Variants in PPM1A observed in about 807,000 individuals in gnomAD.
PPM1A encodes protein phosphatase, Mg2+/Mn2+ dependent 1A, also known as protein phosphatase 1A.
A neutral mutation model predicts 35.0 loss-of-function variants in PPM1A; 7 were observed. The ratio of observed to expected loss-of-function variants is 0.20; its 90% CI spans 0.11 to 0.38. PPM1A has a LOEUF of 0.38. Ranked by LOEUF, PPM1A falls within the 10% of genes least tolerant of loss-of-function variation. The pLI, the probability that PPM1A is intolerant of heterozygous loss-of-function variation, is 1.00. For missense variants in PPM1A, 239 were observed against 467.8 expected, an observed-to-expected ratio of 0.51 and a Z score of 4.51; for synonymous variants, 153 against 167.3, an observed-to-expected ratio of 0.91 and a Z score of 0.66.
chr14:60,293,101 C>T lies in PPM1A; in HGVS notation c.*619C>T, dbSNP rs564081941. The T allele has an allele frequency of 5.3e-5, 8 of 152,150 alleles. No individual in the cohort carries two copies. The highest frequency in any genetic ancestry group is 1.2e-4 in the African/African-American group (5 of 41,514). The allele number at this position is 152,150 out of a possible 1,614,324, so 9.4% of individuals were successfully genotyped here. ...TTAACTGTCTTTCAGGATGTTCCTTCGTTGTTTCCATGAGTATTGCAGGTA... is the reference window on the plus strand; with the variant it reads ...TTAACTGTCTTTCAGGATGTTCCTTTGTTGTTTCCATGAGTATTGCAGGTA... On this transcript the variant is annotated 3_prime_UTR_variant, in exon 6 of 6. Coordinates refer to ENST00000395076, the MANE Select transcript of PPM1A (RefSeq NM_021003.5). The surrounding 1 kb of genome is among the most constrained non-coding windows in gnomAD (Gnocchi z 4.0).
At chr14:60,280,231 C>T (rs1437605342) in intron 1 of PPM1A, among the ~76,000 whole-genome samples, 2 of 152,142 alleles carry the variant, frequency 1.3e-5, no homozygotes, top group Non-Finnish European at 2.9e-5. Context: ...GTCTAGAACT[C>T]CTGACCTCAT....
Position 60,249,798 on chromosome 14 carries a change from G to T in PPM1A, c.-21+121G>T. The T allele has an allele frequency of 1.8e-6, 1 of 552,138 alleles. No individual in the cohort carries two copies. The highest frequency in any genetic ancestry group is 7.4e-5 in the South Asian group (1 of 13,514). The allele number at this position is 552,138 out of a possible 1,614,324, so 34.2% of individuals were successfully genotyped here. A position where few individuals can be genotyped will look rare whatever the true frequency, so the allele number is the denominator to read the frequency against. On this transcript the variant is annotated intron_variant, in intron 1 of 5. Transcript: ENST00000395076. This position sits in a 1 kb window ranked among gnomAD's most constrained non-coding sequence, Gnocchi z 4.5. Reference sequence around the variant, plus strand: ...GCGTCTGCCCGGGCGCTCCCGGGAGGAGACGCGACAACTCCACCCCCTGGC... The same window carrying T: ...GCGTCTGCCCGGGCGCTCCCGGGAGTAGACGCGACAACTCCACCCCCTGGC...
Position 60,286,442 on chromosome 14 carries a change from A to G in PPM1A, c.952+701A>G, listed in dbSNP as rs140966037. On this transcript the variant is annotated intron_variant, in intron 3 of 5. Transcript: ENST00000395076. ...ATATATGCAGTAAAGTGTATATATT[A>G]TGCAGTTTCTCTAAGTGGAAAAACT... 20 of 985,296 alleles carry G rather than the reference A, an allele frequency of 2.0e-5. No homozygotes were observed. In the East Asian group the frequency reaches 1.5e-3, roughly 73 times the overall value. 61.0% of individuals were successfully genotyped at this position (985,296 alleles called of 1,614,324 possible).
intron 1 of PPM1A, among the ~76,000 whole-genome samples, chr14:60,272,726 A>G (rs1595324395): frequency 6.8e-6 from 1 of 147,074 alleles, no homozygotes. Flanking sequence ...GACACAGAAG[A>G]CCCTAAGTGT....
Position 60,272,690 on chromosome 14 carries a change from CAAAAAAAAAAAA to C in PPM1A, c.-20-9980_-20-9969del, listed in dbSNP as rs34892158. 1.2e-4 allele frequency among the ~76,000 whole-genome samples: 8 copies of C among 68,598 alleles called. No individual in the cohort carries two copies. In the East Asian group the frequency reaches 3.4e-3, roughly 29 times the overall value. 45.0% of individuals were successfully genotyped at this position (68,598 alleles called of 152,430 possible). A position where few individuals can be genotyped will look rare whatever the true frequency, so the allele number is the denominator to read the frequency against. On this transcript the variant is annotated intron_variant, in intron 1 of 5. Transcript: ENST00000395076. ...TGGGCGACAGAGTGAGACTCTGTCT[CAAAAAAAAAAAA>C]AAAAAAAAAAAAAGACACAGAAGAC...
chr14:60,293,342 TAACA>T lies in PPM1A; in HGVS notation c.*866_*869del, dbSNP rs1269939264. On this transcript the variant is annotated 3_prime_UTR_variant, in exon 6 of 6. Coordinates refer to ENST00000395076, the MANE Select transcript of PPM1A (RefSeq NM_021003.5). The surrounding 1 kb of genome is among the most constrained non-coding windows in gnomAD (Gnocchi z 4.0). Reference sequence around the variant, plus strand: ...TCCATTTTATCAATAAAGCTTGATTTAACAAACAAGAAACTTAATCATGTATGTG... The same window carrying T: ...TCCATTTTATCAATAAAGCTTGATTTAACAAGAAACTTAATCATGTATGTG... 6.6e-6 allele frequency: 1 copy of T among 152,036 alleles called. No individual in the cohort carries two copies. Among genetic ancestry groups the T allele is most frequent in the Non-Finnish European group, 1.5e-5 (1 of 67,934 alleles). 9.4% of individuals were successfully genotyped at this position (152,036 alleles called of 1,614,324 possible).
intron 1 of PPM1A, among the ~76,000 whole-genome samples, chr14:60,260,794 A>AT (rs1325257829): frequency 6.6e-6 from 1 of 152,050 alleles, no homozygotes; most frequent in African/African-American, 2.4e-5. Flanking sequence ...TTTATTAGTG[A>AT]TTTTTCACTT....
chr14:60,287,901 T>C, intron 3 of PPM1A: 3 of 985,304 alleles, frequency 3.0e-6, no homozygotes, highest in Non-Finnish European at 3.6e-6. Flanking sequence ...CCCTGAAACT[T>C]GGTGGAGGGG....
chr14:60,281,053 G>C (rs1201675741), intron 1 of PPM1A, among the ~76,000 whole-genome samples: 1 of 152,144 alleles, frequency 6.6e-6, no homozygotes, highest in East Asian at 1.9e-4. Flanking sequence ...CTACCTTAGA[G>C]AGTTGTTGAA....
At chr14:60,278,432 AT>A (rs1419896383) in intron 1 of PPM1A, among the ~76,000 whole-genome samples, 13 of 152,012 alleles carry the variant, frequency 8.6e-5, no homozygotes, top group African/African-American at 2.9e-4. Flanking sequence ...AGCCGAGATA[AT>A]TTAGAAAAAC....
Position 60,289,746 on chromosome 14 carries a change from C to T in PPM1A, c.953-60C>T, listed in dbSNP as rs1326059364. The T allele has an allele frequency of 5.5e-6, 6 of 1,099,992 alleles. No homozygotes were observed. The highest frequency in any genetic ancestry group is 4.8e-5 in the African/African-American group (3 of 62,740). The allele number at this position is 1,099,992 out of a possible 1,614,324, so 68.1% of individuals were successfully genotyped here. ...TTAAAAAGCTAGGTTATCTTTGTTT[C>T]GGTTTTCTTTTCAATTAAATTTGGA... On this transcript the variant is annotated intron_variant, in intron 3 of 5. Transcript: ENST00000395076. The surrounding 1 kb of genome is among the most constrained non-coding windows in gnomAD (Gnocchi z 4.1).
intron 1 of PPM1A, among the ~76,000 whole-genome samples, chr14:60,279,358 C>T (rs1023515507): frequency 2.0e-5 from 3 of 152,138 alleles, no homozygotes; most frequent in Admixed American, 6.5e-5. Flanking sequence ...CTCAATTAAT[C>T]CACCCACCTC....
rs541270847 is a variant in PPM1A at position 60,267,376 on chromosome 14, A to G, written c.-20-15308A>G. ...TCATATGGATTGTTTTTAACTTTTA[A>G]AAAGATGACTTACATTAGTCAGCTG... On this transcript the variant is annotated intron_variant, in intron 1 of 5. Coordinates refer to ENST00000395076, the MANE Select transcript of PPM1A (RefSeq NM_021003.5). The G allele has an allele frequency of 3.3e-5, 5 of 152,270 alleles. No homozygotes were observed. The East Asian group carries it at 9.6e-4, about 29-fold the overall frequency. The allele number at this position is 152,270 out of a possible 1,614,324, so 9.4% of individuals were successfully genotyped here. A position where few individuals can be genotyped will look rare whatever the true frequency, so the allele number is the denominator to read the frequency against.
chr14:60,265,633 A>G (rs565173783), intron 1 of PPM1A, among the ~76,000 whole-genome samples: 19 of 152,368 alleles, frequency 1.2e-4, no homozygotes, highest in African/African-American at 4.6e-4. Context: ...ATCACAGAAT[A>G]TCACAGACTG....
In PPM1A at chr14:60,289,855, G is replaced by A. The variant is rs1218890744; in HGVS notation, c.1002G>A (p.Met334Ile). Residue 334 changes from methionine (M) to isoleucine (I), a missense_variant, in exon 4 of 6, where the codon ATG becomes ATA. Physicochemically the swap from Met to Ile is conservative, Grantham distance 10. This residue lies in a region of PPM1A where 64 missense variants were observed against 78.6 expected (regional missense o/e 0.81). Coordinates refer to ENST00000395076, the MANE Select transcript of PPM1A (RefSeq NM_021003.5). The surrounding 1 kb of genome is among the most constrained non-coding windows in gnomAD (Gnocchi z 4.1). ...GCGTCCCCGACTTAGTCCATGTGATGCGCACATTAGCGAGTGAGAACATCC... is the reference window on the plus strand; with the variant it reads ...GCGTCCCCGACTTAGTCCATGTGATACGCACATTAGCGAGTGAGAACATCC... ...GEGVPDLVHVMRTLASENIPS... is the reference protein window; with the variant it reads ...GEGVPDLVHVIRTLASENIPS... 15 of 1,593,940 alleles carry A rather than the reference G, an allele frequency of 9.4e-6. No individual in the cohort carries two copies. The highest frequency in any genetic ancestry group is 1.2e-5 in the Non-Finnish European group (14 of 1,174,628).
At position 60,249,420 on chromosome 14, in the gene PPM1A, C is replaced by T. The variant is rs1367629602; in HGVS notation, c.-278C>T. 7 of 984,696 alleles carry T rather than the reference C, an allele frequency of 7.1e-6. No homozygotes were observed. In the African/African-American group the frequency reaches 1.2e-4, roughly 17 times the overall value. The allele number at this position is 984,696 out of a possible 1,614,324, so 61.0% of individuals were successfully genotyped here. ...AAGCGATGAGTCCTCGGCTCTTCCT[C>T]CTCCTTCTCCGGGACCCGCTCTCTG... is the stretch of plus-strand genomic sequence containing the variant. On this transcript the variant is annotated 5_prime_UTR_variant, in exon 1 of 6. Transcript: ENST00000395076. The surrounding 1 kb of genome is among the most constrained non-coding windows in gnomAD (Gnocchi z 4.5).
chr14:60,287,664 T>C (rs1887163592), intron 3 of PPM1A: 1 of 985,358 alleles, frequency 1.0e-6, no homozygotes, highest in Non-Finnish European at 1.2e-6. Flanking sequence ...GTCCACACCA[T>C]AGAAAAGGAC....
rs1595245802 is a variant in PPM1A, at chr14:60,249,509, C to T, written c.-189C>T. On this transcript the variant is annotated 5_prime_UTR_variant, in exon 1 of 6. Transcript: ENST00000395076. The surrounding 1 kb of genome is among the most constrained non-coding windows in gnomAD (Gnocchi z 4.5). ...GCGCCGACAGCCGGGGGCCCGGACGCAGCCCGGCTCCTCCCCTCCTCCGCC... is the reference window on the plus strand; with the variant it reads ...GCGCCGACAGCCGGGGGCCCGGACGTAGCCCGGCTCCTCCCCTCCTCCGCC... 1 of 984,928 alleles carries T rather than the reference C, an allele frequency of 1.0e-6. No individual in the cohort carries two copies. Among genetic ancestry groups the T allele is most frequent in the South Asian group, 4.6e-5 (1 of 21,720 alleles). The allele number at this position is 984,928 out of a possible 1,614,324, so 61.0% of individuals were successfully genotyped here.
chr14:60,247,310 A>C (rs1417508717), upstream of PPM1A, among the ~76,000 whole-genome samples: 1 of 152,088 alleles, frequency 6.6e-6, no homozygotes, highest in African/African-American at 2.4e-5. Flanking sequence ...TATTTTGTAT[A>C]TGTGGAAATG....
Sources: gnomAD v4.1 joint callset for allele counts (sites outside exome capture counted in the v4.1 genomes callset) on GRCh38, gnomAD v4.1.1 for gene constraint, gnomAD v4.1.1 regional missense constraint, Gnocchi (gnomAD v3.1) non-coding constraint, MANE v1.5 for transcripts, NCBI Gene and HGNC (gene_info 2026-07-23, HGNC 2026-07-21) for gene names.